EGF: variants seen among roughly 807,000 people sequenced by gnomAD.
EGF encodes pro-epidermal growth factor.
EGF carries 95 observed loss-of-function variants against 143.8 expected under a neutral mutation model. That is an observed-to-expected ratio of 0.66 (90% CI 0.56 to 0.78). EGF has a LOEUF of 0.78. Among genes scored for constraint, EGF ranks in the 30% least tolerant of loss-of-function variants. The probability of loss-of-function intolerance (pLI) is 0.00; values close to 1 mark genes in which losing one functional copy is unlikely to be tolerated. For synonymous variants in EGF, 510 were observed against 510.5 expected, an observed-to-expected ratio of 1.00 and a Z score of 0.01; for missense variants, 1,320 against 1,470.9, an observed-to-expected ratio of 0.90 and a Z score of 1.68.
chr4:109,943,894 G>A lies in EGF; in HGVS notation c.562G>A (p.Asp188Asn), dbSNP rs764312466. 13 of 1,614,044 alleles carry A rather than the reference G, an allele frequency of 8.1e-6. No homozygotes were observed. Among genetic ancestry groups the A allele is most frequent in the South Asian group, 1.1e-5 (1 of 91,080 alleles). Residue 188 changes from aspartate (D) to asparagine (N), a missense_variant, in exon 4 of 24, where the codon GAT becomes AAT. Physicochemically the swap from Asp to Asn is conservative, Grantham distance 23. This residue lies in a region of EGF where 1,186 missense variants were observed against 1,313.7 expected (regional missense o/e 0.90). Coordinates refer to ENST00000265171, the MANE Select transcript of EGF (RefSeq NM_001963.6). ...TGGAAGCCTTTATAGAGCAGATCTC[G>A]ATGGTGTGGGAGTGAAGGCTCTGTT... ...VAGSLYRADL[D>N]GVGVKALLET...
intron 21 of EGF, among the ~76,000 whole-genome samples, chr4:110,000,573 G>A (rs547223124): frequency 4.6e-5 from 7 of 152,040 alleles, no homozygotes; most frequent in Non-Finnish European, 1.0e-4. Flanking sequence ...GAAATTTCTG[G>A]TCCTCAGATT....
rs1271436201 is a variant in EGF at position 109,987,860 on chromosome 4, G to T, written c.2608G>T (p.Asp870Tyr). The change falls in exon 17 of 24, where the codon GAT becomes TAT. Residue 870 changes from aspartate (D) to tyrosine (Y), a missense_variant and splice_region_variant. By Grantham distance (160) the Asp-to-Tyr change is radical (BLOSUM62 -3). Transcript: ENST00000265171. The stretch of plus-strand genomic sequence containing the variant: ...TGCTGGGGATGGAAAACTATGTTCT[G>T]GTAAGAGAAAAGGGCAAATTCACAT... Reference protein sequence around the residue: ...GFAGDGKLCSDIDECEMGVPV... With the variant: ...GFAGDGKLCSYIDECEMGVPV... 24 of 1,611,460 alleles carry T rather than the reference G, an allele frequency of 1.5e-5. No homozygotes were observed. Among genetic ancestry groups the T allele is most frequent in the Non-Finnish European group, 2.0e-5 (23 of 1,177,874 alleles).
rs11568918 is a variant in EGF, at chr4:109,957,871, C to T, written c.941-1441C>T. Among the ~76,000 whole-genome samples the T allele has an allele frequency of 2.7e-3, 410 of 152,346 alleles. 3 individuals are homozygous for T. Among genetic ancestry groups the T allele is most frequent in the African/African-American group, 9.3e-3 (385 of 41,586 alleles). ...CCTTCACCTCTTGCCAGGCCTCTGG[C>T]CTCTGTATCTACCTGCATTCTAGGT... On this transcript the variant is annotated intron_variant, in intron 5 of 23. Transcript: ENST00000265171.
Position 109,988,565 on chromosome 4 carries a change from T to C in EGF, c.2609-19T>C, listed in dbSNP as rs754988474. 1.2e-6 allele frequency: 2 copies of C among 1,613,898 alleles called. No individual in the cohort carries two copies. The highest frequency in any genetic ancestry group is 2.2e-5 in the South Asian group (2 of 91,086). On this transcript the variant is annotated intron_variant, in intron 17 of 23. Transcript: ENST00000265171. ...CAGGATTGCCTAAATATTGCACTAG[T>C]TCATAATTTTGCCCACAGATATAGA...
At chr4:110,004,170 A>G (rs1433672638) in intron 21 of EGF, 1 of 377,308 alleles carries the variant, frequency 2.7e-6, no homozygotes, top group East Asian at 6.7e-5. Flanking sequence ...ATACCTGTGA[A>G]TGAATGAATG....
At chr4:109,932,089 A>G (rs572267954) in intron 1 of EGF, among the ~76,000 whole-genome samples, 2 of 151,970 alleles carry the variant, frequency 1.3e-5, no homozygotes, top group African/African-American at 2.4e-5. Flanking sequence ...AAAATTTGTT[A>G]TTATTATTGC....
At chr4:109,923,129 C>A (rs1221648090) in intron 1 of EGF, among the ~76,000 whole-genome samples, 2 of 151,098 alleles carry the variant, frequency 1.3e-5, no homozygotes, top group East Asian at 3.8e-4. Flanking sequence ...GTTAATCTTG[C>A]TATTTGTTAC....
chr4:109,932,431 T>A (rs1392712162), intron 1 of EGF, among the ~76,000 whole-genome samples: 1 of 141,510 alleles, frequency 7.1e-6, no homozygotes, highest in African/African-American at 2.6e-5. Context: ...CAGGCTGGAG[T>A]GTAGTGGCAT....
intron 11 of EGF, among the ~76,000 whole-genome samples, chr4:109,974,339 A>G (rs1748138199): frequency 6.6e-6 from 1 of 152,210 alleles, no homozygotes; most frequent in African/African-American, 2.4e-5. Flanking sequence ...CATGAGGATA[A>G]CAGTCTCTTT....
chr4:109,980,256 G>A, intron 14 of EGF, 117 bp downstream of exon 14: 1 of 1,064,350 alleles, frequency 9.4e-7, no homozygotes, highest in African/African-American at 1.6e-5. Flanking sequence ...TTCACTAACT[G>A]TGTAGATGTT....
In EGF at chr4:109,993,310, A is replaced by G. The variant is rs1751299123; in HGVS notation, c.2798A>G (p.Glu933Gly). The stretch of plus-strand genomic sequence containing the variant: ...GAGAATGCCAGCTGCACAAATACAG[A>G]GGGAGGCTATACCTGCATGTGTGCT... ...CGENASCTNT[E>G]GGYTCMCAGR... Residue 933 changes from glutamate to glycine, a missense_variant, in exon 19 of 24, where the codon GAG (glutamate) becomes GGG (glycine). Around this residue, in one of 5 missense-constraint regions of EGF, gnomAD observed 1,186 missense variants for 1,313.7 expected, o/e 0.90. Coordinates refer to ENST00000265171, the MANE Select transcript of EGF (RefSeq NM_001963.6). 1 of 1,613,764 alleles carries G rather than the reference A, an allele frequency of 6.2e-7. No individual in the cohort carries two copies. Among genetic ancestry groups the G allele is most frequent in the Admixed American group, 1.7e-5 (1 of 60,002 alleles).
rs565094522 is a variant in EGF at position 109,970,597 on chromosome 4, T to C, written c.1724+1478T>C. Among the ~76,000 whole-genome samples the C allele has an allele frequency of 3.5e-4, 53 of 152,098 alleles. No homozygotes were observed. In the South Asian group the frequency reaches 5.6e-3, roughly 16 times the overall value. On this transcript the variant is annotated intron_variant, in intron 11 of 23. Coordinates refer to ENST00000265171, the MANE Select transcript of EGF (RefSeq NM_001963.6). ...GTTGATGTGCTTTGGGAGGCCAAGG[T>C]GGGCAGATCACAAGGTCAGGAGATC...
At position 109,943,518 on chromosome 4, in the gene EGF, G is replaced by A. The variant is rs1742283297; in HGVS notation, c.509+83G>A. 9 of 1,483,002 alleles carry A rather than the reference G, an allele frequency of 6.1e-6. 1 individual carries two copies. In the Admixed American group the frequency reaches 1.6e-4, roughly 26 times the overall value. 91.9% of individuals were successfully genotyped at this position (1,483,002 alleles called of 1,614,324 possible). A position where few individuals can be genotyped will look rare whatever the true frequency, so the allele number is the denominator to read the frequency against. On this transcript the variant is annotated intron_variant, in intron 3 of 23. Coordinates refer to ENST00000265171, the MANE Select transcript of EGF (RefSeq NM_001963.6). ...AGAATTATAACATTGTAAATTCAAA[G>A]GGATCCTCTCACTGAGACCAAAGCC...
intron 1 of EGF, among the ~76,000 whole-genome samples, chr4:109,925,374 C>G (rs965018985): frequency 2.0e-5 from 3 of 152,176 alleles, no homozygotes; most frequent in African/African-American, 7.2e-5. Context: ...TGGTTGTTTT[C>G]TAGAAAGTAA....
intron 22 of EGF, among the ~76,000 whole-genome samples, chr4:110,006,096 T>C (rs2126192819): frequency 6.6e-6 from 1 of 152,244 alleles, no homozygotes; most frequent in South Asian, 2.1e-4. Context: ...ATCCCCATGC[T>C]TTGGGAGGCC....
In EGF at chr4:109,924,508, T is replaced by C. The variant is rs148582047; in HGVS notation, c.127+11046T>C. Among the ~76,000 whole-genome samples, 394 of 147,316 alleles carry C rather than the reference T, an allele frequency of 2.7e-3. 14 individuals carry two copies. The highest frequency in any genetic ancestry group is 9.8e-3 in the African/African-American group (363 of 36,908). On this transcript the variant is annotated intron_variant, in intron 1 of 23. Transcript: ENST00000265171. ...AAGTATTTATTGGATGCTAGGTGCT[T>C]GGGCTGACAGTGGAGACATCACTGA...
At chr4:109,918,239 T>C (rs1299130996) in intron 1 of EGF, among the ~76,000 whole-genome samples, 2 of 150,450 alleles carry the variant, frequency 1.3e-5, no homozygotes, top group Non-Finnish European at 2.9e-5. Flanking sequence ...TTCCTTTCTC[T>C]TGATTGCTAG....
chr4:109,932,948 C>T (rs1740054523), intron 1 of EGF, among the ~76,000 whole-genome samples: 1 of 152,154 alleles, frequency 6.6e-6, no homozygotes, highest in African/African-American at 2.4e-5. Flanking sequence ...TTATTAGAGA[C>T]AAGTTATACC....
chr4:109,999,152 G>C (rs1033174754), intron 20 of EGF, among the ~76,000 whole-genome samples: 1 of 151,892 alleles, frequency 6.6e-6, no homozygotes, highest in Non-Finnish European at 1.5e-5. Context: ...CACTAGTAGT[G>C]ATTTTTTTTT....
Sources: allele counts gnomAD v4.1 joint callset (sites outside exome capture counted in the v4.1 genomes callset), GRCh38; gene constraint gnomAD v4.1.1; regional missense constraint gnomAD v4.1.1; transcripts MANE v1.5; gene names NCBI Gene and HGNC (gene_info 2026-07-23, HGNC 2026-07-21).